LMNA: variants seen among roughly 807,000 people sequenced by gnomAD.
LMNA encodes lamin A/C, also known as lamin.
LMNA carries 20 observed loss-of-function variants against 70.4 expected under a neutral mutation model. The observed-to-expected ratio is 0.28, with a 90% CI of 0.20 to 0.41. The LOEUF (loss-of-function observed/expected upper bound fraction) is 0.41, where lower values mean the gene tolerates loss of function less well. Among genes scored for constraint, LMNA ranks in the 10% least tolerant of loss-of-function variants. The pLI is 1.00. For synonymous variants in LMNA, 339 were observed against 372.8 expected, an observed-to-expected ratio of 0.91 and a Z score of 1.04; for missense variants, 652 against 917.2, an observed-to-expected ratio of 0.71 and a Z score of 3.73.
chr1:156,096,649 T>G (rs995345650), intron 3 of LMNA, among the ~76,000 whole-genome samples: 1 of 152,248 alleles, frequency 6.6e-6, no homozygotes, highest in Non-Finnish European at 1.5e-5. Context: ...CAGATGGTAC[T>G]GAGTAAATAT....
At position 156,136,337 on chromosome 1, in the gene LMNA, C is replaced by T. The variant is rs1299530555; in HGVS notation, c.1281C>T (p.Arg427=). 6.2e-7 allele frequency: 1 copy of T among 1,612,346 alleles called. No individual in the cohort carries two copies. Among genetic ancestry groups the T allele is most frequent in the Non-Finnish European group, 8.5e-7 (1 of 1,180,040 alleles). Residue 427 remains arginine, a synonymous_variant, in exon 7 of 12, where the codon CGC becomes CGT. Coordinates refer to ENST00000368300, the MANE Select transcript of LMNA (RefSeq NM_170707.4). The surrounding 1 kb of genome is among the most constrained non-coding windows in gnomAD (Gnocchi z 6.1). ...GCAAACTGGAGTCCACTGAGAGCCG[C>T]AGCAGCTTCTCACAGCACGCACGCA... The part of the protein sequence containing the change: ...KKRKLESTES[R]SSFSQHARTS...
chr1:156,129,441 G>T (rs1456307938), intron 1 of LMNA, among the ~76,000 whole-genome samples: 1 of 152,124 alleles, frequency 6.6e-6, no homozygotes, highest in East Asian at 1.9e-4. Flanking sequence ...GACTTTTGTG[G>T]TAGAAGAAAA....
At chr1:156,086,425 T>TCTCTCTCTC (rs1553259431) in intron 2 of LMNA, among the ~76,000 whole-genome samples, 2 of 151,068 alleles carry the variant, frequency 1.3e-5, no homozygotes, top group Non-Finnish European at 3.0e-5. Flanking sequence ...TCTCTCTCTC[T>TCTCTCTCTC]TTTGTCTTTC....
chr1:156,121,484 T>G (rs1014168573), intron 1 of LMNA, among the ~76,000 whole-genome samples: 2 of 152,194 alleles, frequency 1.3e-5, no homozygotes, highest in African/African-American at 2.4e-5. Context: ...GTGCCCTTGC[T>G]TGGCACTTCC....
In LMNA at chr1:156,137,020, G is replaced by A. The variant is rs760277884; in HGVS notation, c.1480G>A (p.Val494Met). The A allele has an allele frequency of 6.2e-7, 1 of 1,614,232 alleles. No individual in the cohort carries two copies. ...PPKFTLKAGQ[V>M]VTIWAAGAGA... is the part of the protein sequence containing the mutation. ...AAAGTTCACCCTGAAGGCTGGGCAG[G>A]TGGTGACGGTGAGTGGCAGGGCGCT... The change falls in exon 8 of 12, where the codon GTG (valine) becomes ATG (methionine). Residue 494 changes from valine (V) to methionine (M), a missense_variant. Val to Met is a conservative substitution (Grantham distance 21, BLOSUM62 1). This residue lies in a region of LMNA where 327 missense variants were observed against 387.6 expected (regional missense o/e 0.84). Transcript: ENST00000368300. The surrounding 1 kb of genome is among the most constrained non-coding windows in gnomAD (Gnocchi z 4.6).
At position 156,135,901 on chromosome 1, in the gene LMNA, C is replaced by T. The variant is rs1289220190; in HGVS notation, c.937C>T (p.Leu313=). ...SAQLSQLQKQ[L]AAKEAKLRDL... ...ACCAAACCCTCCCACCCCCCTTCAG[C>T]TGGCAGCCAAGGAGGCGAAGCTTCG... Residue 313 remains leucine, a splice_region_variant and synonymous_variant, in exon 6 of 12, where the codon CTG becomes TTG. Coordinates refer to ENST00000368300, the MANE Select transcript of LMNA (RefSeq NM_170707.4). The surrounding 1 kb of genome is among the most constrained non-coding windows in gnomAD (Gnocchi z 4.8). 6.2e-7 allele frequency: 1 copy of T among 1,613,362 alleles called. No individual in the cohort carries two copies. Among genetic ancestry groups the T allele is most frequent in the East Asian group, 2.2e-5 (1 of 44,878 alleles).
chr1:156,134,946 A>G lies in LMNA; in HGVS notation c.781A>G (p.Lys261Glu). The G allele has an allele frequency of 6.2e-7, 1 of 1,614,190 alleles. No homozygotes were observed. ...TGAGGACCAGGTGGAGCAGTATAAG[A>G]AGGAGCTGGAGAAGACTTATTCTGC... ...QHEDQVEQYK[K>E]ELEKTYSAKL... Residue 261 changes from lysine to glutamate, a missense_variant, in exon 4 of 12, where the codon AAG becomes GAG. Physicochemically the swap from Lys to Glu is moderately conservative, Grantham distance 56 (BLOSUM62 1). Transcript: ENST00000368300. The surrounding 1 kb of genome is among the most constrained non-coding windows in gnomAD (Gnocchi z 5.3).
At position 156,138,760 on chromosome 1, in the gene LMNA, G is replaced by A. The variant is rs1250284097; in HGVS notation, c.1968+3G>A. ...GCAACTCCAGCCCCCGAACCCAGGT[G>A]AGTTGTCTCTGCTTTGTCTCCAAAT... On this transcript the variant is annotated splice_donor_region_variant and intron_variant, in intron 11 of 11. Transcript: ENST00000368300. The surrounding 1 kb of genome is among the most constrained non-coding windows in gnomAD (Gnocchi z 5.5). 6.2e-7 allele frequency: 1 copy of A among 1,613,434 alleles called. No homozygotes were observed. Among genetic ancestry groups the A allele is most frequent in the African/African-American group, 1.3e-5 (1 of 75,046 alleles).
intron 3 of LMNA, among the ~76,000 whole-genome samples, chr1:156,102,200 C>A (rs1649166851): frequency 6.6e-6 from 1 of 152,202 alleles, no homozygotes; most frequent in Admixed American, 6.5e-5. Flanking sequence ...CTCCGTGATA[C>A]ACGGGGGCGG....
chr1:156,113,499 G>C (rs997652830), upstream of LMNA, among the ~76,000 whole-genome samples: 86 of 152,246 alleles, frequency 5.6e-4, no homozygotes, highest in African/African-American at 1.9e-3. Context: ...TTGTGAGAGA[G>C]CCTGGCCCCT....
intron 3 of LMNA, among the ~76,000 whole-genome samples, chr1:156,107,624 G>A (rs1572326480): frequency 6.6e-6 from 1 of 152,094 alleles, no homozygotes; most frequent in Admixed American, 6.5e-5. Context: ...TTTGAGTGAG[G>A]GGGATCTCTG....
intron 1 of LMNA, chr1:156,126,188 T>A (rs1406161725): frequency 6.5e-7 from 1 of 1,528,072 alleles, no homozygotes; most frequent in South Asian, 1.2e-5. Context: ...GCTCCCTTCC[T>A]GTGTGCTGCC....
chr1:156,109,066 C>T (rs183169669), intron 3 of LMNA, among the ~76,000 whole-genome samples: 266 of 152,278 alleles, frequency 1.7e-3, no homozygotes, highest in Non-Finnish European at 3.3e-3. Context: ...GCTTCAGTTT[C>T]CTCATCTGTA....
Position 156,115,228 on chromosome 1 carries a change from C to G in LMNA, c.310C>G (p.Leu104Val). The change falls in exon 1 of 12, where the codon CTG becomes GTG. Residue 104 changes from leucine (L) to valine (V), a missense_variant. Transcript: ENST00000368300. The surrounding 1 kb of genome is among the most constrained non-coding windows in gnomAD (Gnocchi z 5.8). ...SVAKERARLQLELSKVREEFK... is the reference protein window; with the variant it reads ...SVAKERARLQVELSKVREEFK... ...AGCCAAGGAGCGCGCCCGCCTGCAG[C>G]TGGAGCTGAGCAAAGTGCGTGAGGA... 6.2e-7 allele frequency: 1 copy of G among 1,613,244 alleles called. No individual in the cohort carries two copies. The highest frequency in any genetic ancestry group is 8.5e-7 in the Non-Finnish European group (1 of 1,179,850).
intron 1 of LMNA, among the ~76,000 whole-genome samples, chr1:156,129,428 T>TAAACTCCA (rs1650858699): frequency 1.3e-5 from 2 of 152,216 alleles, no homozygotes; most frequent in African/African-American, 4.8e-5. Context: ...TCTTGGAGTT[T>TAAACTCCA]AGGACTTTTG....
At chr1:156,123,139 CAAG>C (rs60880750) in intron 1 of LMNA, 15,843 of 152,234 alleles carry the variant, frequency 0.1, 1,497 homozygotes, top group African/African-American at 0.25. Flanking sequence ...CAAGTTGCAG[CAAG>C]AAGGACAGTG....
intron 2 of LMNA, chr1:156,083,682 A>G (rs938647088): frequency 6.6e-6 from 1 of 152,254 alleles, no homozygotes; most frequent in Non-Finnish European, 1.5e-5. Context: ...AGACGCCTGT[A>G]GTCCCAGCTA....
At chr1:156,090,160 A>G (rs1225280308) in intron 2 of LMNA, among the ~76,000 whole-genome samples, 1 of 152,218 alleles carries the variant, frequency 6.6e-6, no homozygotes, top group East Asian at 1.9e-4. Context: ...TCTGCAATGC[A>G]AGATGCAGTC....
chr1:156,121,604 G>A (rs1422943260), intron 1 of LMNA, among the ~76,000 whole-genome samples: 3 of 151,928 alleles, frequency 2.0e-5, no homozygotes, highest in Non-Finnish European at 2.9e-5. Context: ...CTGAAGCCCA[G>A]GACAGCTGGA....
Sources: allele counts gnomAD v4.1 joint callset (sites outside exome capture counted in the v4.1 genomes callset), GRCh38; gene constraint gnomAD v4.1.1; regional missense constraint gnomAD v4.1.1; non-coding constraint Gnocchi (gnomAD v3.1); transcripts MANE v1.5; gene names NCBI Gene and HGNC (gene_info 2026-07-23, HGNC 2026-07-21).